The following ECI1 variants were observed in gnomAD, a reference collection of about 807,000 sequenced individuals.
The protein encoded by ECI1 is enoyl-CoA delta isomerase 1.
A neutral mutation model predicts 34.2 loss-of-function variants in ECI1; 34 were observed. The observed-to-expected ratio is 1.00, with a 90% CI of 0.76 to 1.33. ECI1 has a LOEUF of 1.33. Ranked by LOEUF, ECI1 falls within the 40% of genes most tolerant of loss-of-function variation. The probability of loss-of-function intolerance (pLI) is 0.00; values close to 1 mark genes in which losing one functional copy is unlikely to be tolerated. For missense variants in ECI1, 456 were observed against 422.2 expected (o/e 1.08, Z -0.70); for synonymous variants, 211 against 193.0 (o/e 1.09, Z -0.77).
chr16:2,247,317 G>A (rs1368349735), intron 2 of ECI1, among the ~76,000 whole-genome samples: 4 of 152,150 alleles, frequency 2.6e-5, no homozygotes, highest in African/African-American at 9.7e-5. Flanking sequence ...GGATGGGCTC[G>A]ATCTCTTGAC....
chr16:2,242,895 T>G (rs890571028), intron 6 of ECI1, 151 bp downstream of exon 6: 1 of 680,090 alleles, frequency 1.5e-6, no homozygotes. Context: ...CCACCCGGTC[T>G]GTGCTGCGTT....
In ECI1 at chr16:2,243,036, C is replaced by T. The variant is rs774219949; in HGVS notation, c.742+10G>A. 120 of 1,598,816 alleles carry T rather than the reference C, an allele frequency of 7.5e-5. No individual in the cohort carries two copies. Among genetic ancestry groups the T allele is most frequent in the Middle Eastern group, 2.2e-4 (1 of 4,546 alleles). ...GCATCATCGGGCGCCCGCCATGCCC[C>T]GTGCCTCACCTGGAATGGCCATCCA... is the stretch of plus-strand genomic sequence containing the variant. On this transcript the variant is annotated intron_variant, in intron 6 of 6. Coordinates refer to ENST00000301729, the MANE Select transcript of ECI1 (RefSeq NM_001919.4).
intron 4 of ECI1, chr16:2,244,040 GTGT>G: frequency 2.7e-6 from 1 of 367,704 alleles, no homozygotes; most frequent in East Asian, 6.8e-5. Context: ...TTAAGCCCCC[GTGT>G]TGTTCTCGGC....
Position 2,243,414 on chromosome 16 carries a change from A to G in ECI1, c.467T>C (p.Leu156Pro). The change falls in exon 5 of 7, where the codon CTG (leucine) becomes CCG (proline). Residue 156 changes from leucine (L) to proline (P), a missense_variant. Leu to Pro is a moderately conservative substitution (Grantham distance 98). Transcript: ENST00000301729. ...INGACPAGGC[L>P]VALTCDYRIL... ...GCGGTAGTCACAGGTCAGGGCCACC[A>G]GGCAGCCTCCAGCGGGGCAGGCTCC... 6.2e-7 allele frequency: 1 copy of G among 1,613,432 alleles called. No individual in the cohort carries two copies. The highest frequency in any genetic ancestry group is 1.3e-5 in the African/African-American group (1 of 75,058).
At chr16:2,250,578 T>C (rs935547450) in intron 2 of ECI1, among the ~76,000 whole-genome samples, 7 of 152,138 alleles carry the variant, frequency 4.6e-5, no homozygotes, top group African/African-American at 1.4e-4. Context: ...CGCCTAGGCG[T>C]GCCCTCTCGG....
rs573180979 is a variant in ECI1 at position 2,247,419 on chromosome 16, C to T, written c.167-433G>A. Among the ~76,000 whole-genome samples, 6 of 151,018 alleles carry T rather than the reference C, an allele frequency of 4.0e-5. No homozygotes were observed. The South Asian group carries it at 8.4e-4, about 21-fold the overall frequency. On this transcript the variant is annotated intron_variant, in intron 2 of 6. Transcript: ENST00000301729. ...CCTATTTTTATTTACTTTTTTGAGA[C>T]GGAGTTTTGCTCTTGTTGCCCAGGT...
intron 2 of ECI1, among the ~76,000 whole-genome samples, chr16:2,250,276 A>AG (rs1412478792): frequency 1.4e-5 from 2 of 147,388 alleles, no homozygotes; most frequent in African/African-American, 4.9e-5. Context: ...AAAAAAAAAA[A>AG]AAAAAAAAAA....
intron 6 of ECI1, among the ~76,000 whole-genome samples, chr16:2,241,269 C>G (rs1018577413): frequency 6.6e-6 from 1 of 152,208 alleles, no homozygotes; most frequent in African/African-American, 2.4e-5. Flanking sequence ...GTTGGCAAAT[C>G]TGGCTTCTCA....
In ECI1 at chr16:2,251,522, G is replaced by C; in HGVS notation, c.45C>G (p.Leu15=). ...CCACCCCGGGTTTCGCACCCGCGCG[G>C]AGCAGAACGCGCGCCGGGACTCGCA... is the stretch of plus-strand genomic sequence containing the variant. ...ASVRVPARVL[L]RAGARLPGAA... The change falls in exon 1 of 7, where the codon CTC becomes CTG. Residue 15 remains leucine (L), a synonymous_variant. Transcript: ENST00000301729. 6.4e-7 allele frequency: 1 copy of C among 1,560,642 alleles called. No homozygotes were observed. Among genetic ancestry groups the C allele is most frequent in the Non-Finnish European group, 8.7e-7 (1 of 1,153,858 alleles).
chr16:2,243,119 C>T lies in ECI1; in HGVS notation c.669G>A (p.Val223=), dbSNP rs2093531651. 1 of 1,606,304 alleles carries T rather than the reference C, an allele frequency of 6.2e-7. No individual in the cohort carries two copies. The highest frequency in any genetic ancestry group is 8.5e-7 in the Non-Finnish European group (1 of 1,179,838). ...PPAEALQVGI[V]DQVVPEEQVQ... is the part of the protein sequence containing the mutation. The stretch of plus-strand genomic sequence containing the variant: ...CCTGCTCCTCCGGGACCACCTGGTC[C>T]ACTATGCCCACCTGCAGGGCCTCCG... The change falls in exon 6 of 7, where the codon GTG becomes GTA. Residue 223 remains valine, a synonymous_variant. Transcript: ENST00000301729.
intron 4 of ECI1, 140 bp from the exon 5 acceptor site, chr16:2,243,579 TG>T: frequency 9.6e-7 from 1 of 1,038,846 alleles, no homozygotes; most frequent in Non-Finnish European, 1.4e-6. Flanking sequence ...TGGTCTGGGC[TG>T]GGCTGGGTGT....
At chr16:2,244,604 C>T (rs1317519710) in intron 3 of ECI1, 52 bp from the exon 4 acceptor site, 4 of 1,548,440 alleles carry the variant, frequency 2.6e-6, no homozygotes, top group African/African-American at 1.4e-5. Flanking sequence ...TCCCAGCTGG[C>T]ATCACAGCAG....
Position 2,251,582 on chromosome 16 carries a change from C to T in ECI1, c.-16G>A. 1 of 1,551,940 alleles carries T rather than the reference C, an allele frequency of 6.4e-7. No individual in the cohort carries two copies. The highest frequency in any genetic ancestry group is 8.7e-7 in the Non-Finnish European group (1 of 1,148,482). ...CCAGCGCCATCTTGACCGCAACGCG[C>T]GGGATAAAGGTCGCGGGCTGAGCTC... On this transcript the variant is annotated 5_prime_UTR_variant, in exon 1 of 7. Transcript: ENST00000301729.
chr16:2,244,855 C>T (rs774744902), intron 3 of ECI1, among the ~76,000 whole-genome samples: 9 of 152,356 alleles, frequency 5.9e-5, no homozygotes, highest in South Asian at 2.1e-4. Context: ...TGGCTCTGCA[C>T]GCCTGGCTCG....
chr16:2,244,421 C>G lies in ECI1; in HGVS notation c.426G>C (p.Leu142=). The G allele has an allele frequency of 6.2e-7, 1 of 1,612,528 alleles. No individual in the cohort carries two copies. Among genetic ancestry groups the G allele is most frequent in the East Asian group, 2.2e-5 (1 of 44,882 alleles). ...WLRLYQSNLV[L]VSAINGACPA... ...GGACACTCACGTTGATGGCGGAGAC[C>G]AGCACCAGGTTGGACTGGTACAACC... Residue 142 remains leucine, a synonymous_variant, in exon 4 of 7, where the codon CTG becomes CTC. Coordinates refer to ENST00000301729, the MANE Select transcript of ECI1 (RefSeq NM_001919.4).
chr16:2,243,414 AGGCAGCCTCCAGCGG>A lies in ECI1; in HGVS notation c.452_466del (p.Pro151_Cys155del). 6.2e-7 allele frequency: 1 copy of A among 1,613,432 alleles called. No individual in the cohort carries two copies. The highest frequency in any genetic ancestry group is 2.2e-5 in the East Asian group (1 of 44,886). On this transcript the variant is annotated inframe_deletion, in exon 5 of 7. Transcript: ENST00000301729. ...GCGGTAGTCACAGGTCAGGGCCACC[AGGCAGCCTCCAGCGG>A]GGCAGGCTCCCTGCAGGGAGAGGCC...
In ECI1 at chr16:2,239,965, T is replaced by C; in HGVS notation, c.*14A>G. 1 of 1,613,492 alleles carries C rather than the reference T, an allele frequency of 6.2e-7. No individual in the cohort carries two copies. Among genetic ancestry groups the C allele is most frequent in the Non-Finnish European group, 8.5e-7 (1 of 1,179,950 alleles). Reference sequence around the variant, plus strand: ...AGGGGCACGTGTGGCCGTAAGCCTGTGGCAGCCCAATCGTTAGCCTTTTTC... The same window carrying C: ...AGGGGCACGTGTGGCCGTAAGCCTGCGGCAGCCCAATCGTTAGCCTTTTTC... On this transcript the variant is annotated 3_prime_UTR_variant, in exon 7 of 7. Transcript: ENST00000301729.
chr16:2,240,227 T>C, intron 6 of ECI1, 82 bp from the exon 7 acceptor site: 1 of 1,472,028 alleles, frequency 6.8e-7, no homozygotes, highest in Non-Finnish European at 9.2e-7. Flanking sequence ...ATTTTTATTT[T>C]TTGAGACGGA....
chr16:2,248,061 A>T (rs1225484586), intron 2 of ECI1, among the ~76,000 whole-genome samples: 1 of 152,102 alleles, frequency 6.6e-6, no homozygotes. Context: ...TTCTATATAA[A>T]CTGCATGCTT....
Sources: allele counts gnomAD v4.1 joint callset (sites outside exome capture counted in the v4.1 genomes callset), GRCh38; gene constraint gnomAD v4.1.1; transcripts MANE v1.5; gene names NCBI Gene and HGNC (gene_info 2026-07-23, HGNC 2026-07-21).